The following FAT3 variants were observed in gnomAD, a reference collection of about 807,000 sequenced individuals.
The protein encoded by FAT3 is protocadherin Fat 3.
FAT3 carries 95 observed loss-of-function variants against 310.2 expected under a neutral mutation model. The observed-to-expected ratio is 0.31, with a 90% CI of 0.26 to 0.36. FAT3 has a LOEUF of 0.36. FAT3 is among the 10% of genes least tolerant of loss of function. The probability of loss-of-function intolerance (pLI) is 1.00; values close to 1 mark genes in which losing one functional copy is unlikely to be tolerated. For missense variants in FAT3, 5,408 were observed against 5,715.6 expected, an observed-to-expected ratio of 0.95 and a Z score of 1.74; for synonymous variants, 2,314 against 2,192.9, an observed-to-expected ratio of 1.06 and a Z score of -1.54.
chr11:92,783,531 G>A (rs958559327), intron 7 of FAT3, among the ~76,000 whole-genome samples: 1 of 149,852 alleles, frequency 6.7e-6, no homozygotes, highest in Non-Finnish European at 1.5e-5. Flanking sequence ...ACACAGCAAG[G>A]TGTGGCAGCT....
chr11:92,343,694 G>T (rs946221039), intron 1 of FAT3, among the ~76,000 whole-genome samples: 8 of 152,136 alleles, frequency 5.3e-5, no homozygotes, highest in Non-Finnish European at 1.0e-4. Context: ...TGGAGCAGTT[G>T]TCTCATTCTT....
At chr11:92,838,267 C>T (rs1215228574) in intron 17 of FAT3, among the ~76,000 whole-genome samples, 1 of 152,156 alleles carries the variant, frequency 6.6e-6, no homozygotes, top group Non-Finnish European at 1.5e-5. Flanking sequence ...GAGATTGATA[C>T]GCATTGTCTC....
At chr11:92,457,851 G>GT (rs1951533463) in intron 2 of FAT3, among the ~76,000 whole-genome samples, 1 of 152,210 alleles carries the variant, frequency 6.6e-6, no homozygotes, top group African/African-American at 2.4e-5. Context: ...GAACCCAGGA[G>GT]GGGGAGGTTG....
intron 2 of FAT3, among the ~76,000 whole-genome samples, chr11:92,376,884 G>A (rs1266930074): frequency 6.6e-6 from 1 of 152,172 alleles, no homozygotes; most frequent in Non-Finnish European, 1.5e-5. Flanking sequence ...GAATTTCCAT[G>A]AGTAAGCAAA....
intron 2 of FAT3, among the ~76,000 whole-genome samples, chr11:92,396,949 C>A (rs374278352): frequency 6.6e-6 from 1 of 152,194 alleles, no homozygotes; most frequent in Non-Finnish European, 1.5e-5. Context: ...TCTGTTAATC[C>A]GTCTACATCG....
intron 1 of FAT3, among the ~76,000 whole-genome samples, chr11:92,328,159 C>T (rs919051331): frequency 6.6e-6 from 1 of 152,122 alleles, no homozygotes; most frequent in African/African-American, 2.4e-5. Context: ...GCTTTTGACT[C>T]CCATACCTTA....
At chr11:92,385,644 A>G (rs542877293) in intron 2 of FAT3, among the ~76,000 whole-genome samples, 1 of 152,180 alleles carries the variant, frequency 6.6e-6, no homozygotes, top group South Asian at 2.1e-4. Flanking sequence ...CTGGGATTAT[A>G]GACATCAGCC....
intron 2 of FAT3, among the ~76,000 whole-genome samples, chr11:92,407,265 T>G (rs1216725803): frequency 2.0e-5 from 3 of 152,130 alleles, no homozygotes; most frequent in African/African-American, 7.2e-5. Context: ...TGAGTTTTTT[T>G]TATTCCCCAT....
At chr11:92,822,013 ATTT>A (rs899615331) in intron 13 of FAT3, among the ~76,000 whole-genome samples, 1 of 150,030 alleles carries the variant, frequency 6.7e-6, no homozygotes, top group Non-Finnish European at 1.5e-5. Flanking sequence ...AGAGCTGGAC[ATTT>A]TTTTTTTCTC....
In FAT3 at chr11:92,865,226, C is replaced by T. The variant is rs116320936; in HGVS notation, c.11659-1515C>T. Among the ~76,000 whole-genome samples the T allele has an allele frequency of 3.6e-3, 553 of 152,240 alleles. 3 individuals carry two copies. Among genetic ancestry groups the T allele is most frequent in the African/African-American group, 0.013 (523 of 41,534 alleles). On this transcript the variant is annotated intron_variant, in intron 21 of 27. Coordinates refer to ENST00000525166, the MANE Select transcript of FAT3 (RefSeq NM_001367949.2). ...AGCTACAAAGGCAGAAATGAGAGTC[C>T]CTAAGAATTCAGTTGTCTGTACTGA...
intron 19 of FAT3, among the ~76,000 whole-genome samples, chr11:92,847,685 G>A (rs757050461): frequency 6.6e-6 from 1 of 152,200 alleles, no homozygotes; most frequent in East Asian, 1.9e-4. Flanking sequence ...TAATGTTACT[G>A]GTCAGGAAAC....
At chr11:92,526,278 A>C (rs2135367637) in intron 3 of FAT3, among the ~76,000 whole-genome samples, 1 of 152,346 alleles carries the variant, frequency 6.6e-6, no homozygotes, top group Middle Eastern at 3.4e-3. Flanking sequence ...ACATAGCCAC[A>C]GAGAAATGAA....
intron 1 of FAT3, among the ~76,000 whole-genome samples, chr11:92,338,421 A>C (rs73546483): frequency 0.015 from 2,234 of 152,164 alleles, 56 homozygotes; most frequent in African/African-American, 0.052. Flanking sequence ...AAATCTGTTT[A>C]GGTTATTGTA....
chr11:92,720,045 A>G (rs1188057536), intron 4 of FAT3, among the ~76,000 whole-genome samples: 5 of 152,086 alleles, frequency 3.3e-5, no homozygotes, highest in Non-Finnish European at 5.9e-5. Context: ...ATTTTTTTCT[A>G]TACCACAGGG....
chr11:92,493,585 G>A (rs1952667992), intron 2 of FAT3, among the ~76,000 whole-genome samples: 1 of 152,028 alleles, frequency 6.6e-6, no homozygotes, highest in African/African-American at 2.4e-5. Context: ...GGCCTCAACT[G>A]GGAGGACTCT....
At chr11:92,873,755 T>C (rs1271412059) in intron 22 of FAT3, among the ~76,000 whole-genome samples, 3 of 152,352 alleles carry the variant, frequency 2.0e-5, no homozygotes, top group South Asian at 2.1e-4. Context: ...ACTAGAAGGA[T>C]TGTAAACAGA....
Position 92,512,852 on chromosome 11 carries a change from G to C in FAT3, c.3293-11782G>C, listed in dbSNP as rs374873175. Among the ~76,000 whole-genome samples the C allele has an allele frequency of 1.1e-4, 7 of 64,400 alleles. 2 individuals carry two copies. Among genetic ancestry groups the C allele is most frequent in the African/African-American group, 5.0e-4 (7 of 14,036 alleles). The allele number at this position is 64,400 out of a possible 152,430, so 42.2% of individuals were successfully genotyped here. A position where few individuals can be genotyped will look rare whatever the true frequency, so the allele number is the denominator to read the frequency against. ...AAGTTAAGATTATCGGCCGGGCGCGGTGGCTCACGCCTGTAATCCCAGCAC... is the reference window on the plus strand; with the variant it reads ...AAGTTAAGATTATCGGCCGGGCGCGCTGGCTCACGCCTGTAATCCCAGCAC... On this transcript the variant is annotated intron_variant, in intron 2 of 27. Transcript: ENST00000525166.
At chr11:92,419,794 TTTC>T (rs1950499685) in intron 2 of FAT3, among the ~76,000 whole-genome samples, 1 of 152,128 alleles carries the variant, frequency 6.6e-6, no homozygotes, top group Non-Finnish European at 1.5e-5. Context: ...AGTGAGTCGA[TTTC>T]AGATGGACTC....
intron 2 of FAT3, among the ~76,000 whole-genome samples, chr11:92,435,564 TTC>T (rs1950917162): frequency 2.0e-5 from 3 of 150,170 alleles, no homozygotes; most frequent in Non-Finnish European, 3.0e-5. Flanking sequence ...TCTTTATTCT[TTC>T]TCTTTTTTTT....
Sources: allele counts gnomAD v4.1 joint callset (sites outside exome capture counted in the v4.1 genomes callset), GRCh38; gene constraint gnomAD v4.1.1; transcripts MANE v1.5; gene names NCBI Gene and HGNC (gene_info 2026-07-23, HGNC 2026-07-21).